The following SMIM35 variants were observed in gnomAD, a reference collection of about 807,000 sequenced individuals.
SMIM35 encodes the protein small integral membrane protein 35, also known as TMPRSS4 antisense RNA 1 (non-protein coding).
intron 1 of SMIM35, among the ~76,000 whole-genome samples, chr11:118,023,928 G>T (rs777272459): frequency 6.6e-6 from 1 of 151,738 alleles, no homozygotes; most frequent in South Asian, 2.1e-4. Context: ...CCAGCAACTC[G>T]GGAGGCTGAG....
At chr11:118,076,008 C>A (rs1944673369) in intron 1 of SMIM35, among the ~76,000 whole-genome samples, 2 of 152,228 alleles carry the variant, frequency 1.3e-5, no homozygotes, top group African/African-American at 4.8e-5. Context: ...GTGGCTCACG[C>A]CATAATCACA....
At chr11:118,043,009 A>G (rs1944031083) in intron 1 of SMIM35, among the ~76,000 whole-genome samples, 2 of 152,260 alleles carry the variant, frequency 1.3e-5, no homozygotes, top group Admixed American at 1.3e-4. Context: ...TCAACCTGAC[A>G]AAGAGCCTTT....
chr11:118,029,288 C>T (rs1284862482), intron 1 of SMIM35, among the ~76,000 whole-genome samples: 1 of 152,174 alleles, frequency 6.6e-6, no homozygotes, highest in East Asian at 1.9e-4. Context: ...GAAACGCCGT[C>T]TCTACAAAAA....
chr11:118,013,874 C>G lies in SMIM35; in HGVS notation c.165G>C (p.Leu55=), dbSNP rs531388734. 7.5e-6 allele frequency: 3 copies of G among 399,054 alleles called. No individual in the cohort carries two copies. The highest frequency in any genetic ancestry group is 6.2e-5 in the African/African-American group (3 of 48,742). The allele number at this position is 399,054 out of a possible 1,614,324, so 24.7% of individuals were successfully genotyped here. Residue 55 remains leucine (L), a synonymous_variant, in exon 4 of 5, where the codon CTG becomes CTC. Coordinates refer to ENST00000689828, the MANE Select transcript of SMIM35 (RefSeq NM_001394165.1). Reference sequence around the variant, plus strand: ...AGGGTGGACCCATCTCCAGATCCTTCAGGTTCCTGAAAAAGATGATCCAAT... The same window carrying G: ...AGGGTGGACCCATCTCCAGATCCTTGAGGTTCCTGAAAAAGATGATCCAAT... ...FVFNLYQIRN[L]KDLEMGPPFT...
chr11:118,070,100 G>T (rs2135139498), intron 1 of SMIM35, among the ~76,000 whole-genome samples: 1 of 152,298 alleles, frequency 6.6e-6, no homozygotes, highest in East Asian at 1.9e-4. Flanking sequence ...AGTATATGTT[G>T]TTCATTATCC....
At chr11:118,064,882 C>T (rs1233672595) in intron 1 of SMIM35, among the ~76,000 whole-genome samples, 1 of 152,108 alleles carries the variant, frequency 6.6e-6, no homozygotes, top group Non-Finnish European at 1.5e-5. Flanking sequence ...TAGACTCAAG[C>T]GATATACCCG....
In SMIM35 at chr11:118,031,284, A is replaced by G. The variant is rs1470023410; in HGVS notation, c.8-15475T>C. Among the ~76,000 whole-genome samples, 5 of 152,232 alleles carry G rather than the reference A, an allele frequency of 3.3e-5. No homozygotes were observed. The East Asian group carries it at 9.6e-4, about 29-fold the overall frequency. Reference sequence around the variant, plus strand: ...GAGGGCTTGAGGCAGCAATGTCCCAATATCAACAGACACATCTACCACTAA... The same window carrying G: ...GAGGGCTTGAGGCAGCAATGTCCCAGTATCAACAGACACATCTACCACTAA... On this transcript the variant is annotated intron_variant, in intron 1 of 4. Coordinates refer to ENST00000689828, the MANE Select transcript of SMIM35 (RefSeq NM_001394165.1).
chr11:118,077,419 TA>T (rs34249547), intron 1 of SMIM35: 8 of 1,313,612 alleles, frequency 6.1e-6, no homozygotes, highest in African/African-American at 1.5e-5. Context: ...CCTTCTAGGT[TA>T]AAAAAAGAGG....
intron 1 of SMIM35, among the ~76,000 whole-genome samples, chr11:118,044,228 G>A (rs750726498): frequency 1.8e-4 from 27 of 149,680 alleles, no homozygotes; most frequent in Admixed American, 6.7e-5. Flanking sequence ...TTACACTTAG[G>A]TAAGAATCTA....
rs184155900 is a variant in SMIM35 at position 118,004,654 on chromosome 11, C to G, written c.*1756G>C. On this transcript the variant is annotated 3_prime_UTR_variant, in exon 5 of 5. Transcript: ENST00000689828. ...GCCCTTAGTGTGAAGGTAAGGACGC[C>G]GGCTTGGAGAAGATCCCCAAACCCC... 6.6e-6 allele frequency: 1 copy of G among 152,130 alleles called. No individual in the cohort carries two copies. Among genetic ancestry groups the G allele is most frequent in the African/African-American group, 2.4e-5 (1 of 41,406 alleles). The allele number at this position is 152,130 out of a possible 1,614,324, so 9.4% of individuals were successfully genotyped here.
intron 1 of SMIM35, among the ~76,000 whole-genome samples, chr11:118,016,763 A>G (rs1290135735): frequency 6.6e-6 from 1 of 152,234 alleles, no homozygotes; most frequent in Non-Finnish European, 1.5e-5. Context: ...ATACACATAG[A>G]TTGTTGTGAC....
intron 1 of SMIM35, among the ~76,000 whole-genome samples, chr11:118,033,800 A>G (rs1340100191): frequency 2.0e-5 from 3 of 152,214 alleles, no homozygotes; most frequent in African/African-American, 7.2e-5. Context: ...GCAATATAGA[A>G]CAAAAGTTAA....
chr11:118,043,792 A>C (rs1783854), intron 1 of SMIM35, among the ~76,000 whole-genome samples: 9 of 145,212 alleles, frequency 6.2e-5, no homozygotes, highest in African/African-American at 2.3e-4. Flanking sequence ...GACAGAGAGA[A>C]ACTCCATCTC....
chr11:118,072,748 G>T (rs970628940), intron 1 of SMIM35, among the ~76,000 whole-genome samples: 1 of 152,160 alleles, frequency 6.6e-6, no homozygotes, highest in Admixed American at 6.5e-5. Context: ...AGACTGTAGG[G>T]TGTTTGTATT....
chr11:118,050,514 G>A (rs538478801), intron 1 of SMIM35, among the ~76,000 whole-genome samples: 4 of 152,280 alleles, frequency 2.6e-5, no homozygotes, highest in East Asian at 3.9e-4. Flanking sequence ...TTGGTTCTCC[G>A]TTTATCCCCA....
At chr11:118,083,580 T>C (rs1945320956) in intron 1 of SMIM35, among the ~76,000 whole-genome samples, 1 of 152,166 alleles carries the variant, frequency 6.6e-6, no homozygotes, top group African/African-American at 2.4e-5. Flanking sequence ...ATCTACTATG[T>C]CATGAACTTC....
rs1944086219 is a variant in SMIM35 at position 118,045,634 on chromosome 11, G to T, written c.8-29825C>A. ...TTGTGTGATGAATAATATTGCTGAA[G>T]AAAACAAACCAATCACATAACAATA... is the stretch of plus-strand genomic sequence containing the variant. On this transcript the variant is annotated intron_variant, in intron 1 of 4. Coordinates refer to ENST00000689828, the MANE Select transcript of SMIM35 (RefSeq NM_001394165.1). 6.6e-5 allele frequency among the ~76,000 whole-genome samples: 10 copies of T among 152,270 alleles called. No homozygotes were observed. In the South Asian group the frequency reaches 2.1e-3, roughly 32 times the overall value.
intron 1 of SMIM35, among the ~76,000 whole-genome samples, chr11:118,034,607 C>T (rs2058344590): frequency 6.6e-6 from 1 of 152,138 alleles, no homozygotes; most frequent in Admixed American, 6.5e-5. Context: ...ATCTGTAGTC[C>T]CAGCTACTTG....
At chr11:118,039,566 C>T (rs1301168616) in intron 1 of SMIM35, among the ~76,000 whole-genome samples, 2 of 151,800 alleles carry the variant, frequency 1.3e-5, no homozygotes, top group East Asian at 1.9e-4. Context: ...AAAAATTAGC[C>T]GGGTGTGGTG....
Sources: allele counts gnomAD v4.1 joint callset (sites outside exome capture counted in the v4.1 genomes callset), GRCh38; gene constraint gnomAD v4.1.1; transcripts MANE v1.5; gene names NCBI Gene and HGNC (gene_info 2026-07-23, HGNC 2026-07-21).